TPM3: variants seen among roughly 807,000 people sequenced by gnomAD.
The protein encoded by TPM3 is tropomyosin 3.
In TPM3, 16 loss-of-function variants were observed where a neutral mutation model predicts 43.1. The ratio of observed to expected loss-of-function variants is 0.37; its 90% CI spans 0.25 to 0.56. The LOEUF (loss-of-function observed/expected upper bound fraction) is 0.56, where lower values mean the gene tolerates loss of function less well. Among genes scored for constraint, TPM3 ranks in the 20% least tolerant of loss-of-function variants. TPM3 has a pLI of 0.77. For synonymous variants in TPM3, 101 were observed against 116.9 expected (o/e 0.86, Z 0.88); for missense variants, 176 against 337.2 (o/e 0.52, Z 3.74).
intron 3 of TPM3, among the ~76,000 whole-genome samples, chr1:154,174,884 G>C (rs1662120673): frequency 2.6e-5 from 4 of 152,074 alleles, no homozygotes; most frequent in Admixed American, 2.6e-4. Flanking sequence ...CGTACCCTTA[G>C]AAAGGCACTA....
intron 3 of TPM3, among the ~76,000 whole-genome samples, chr1:154,175,130 G>A (rs1230284015): frequency 1.3e-5 from 2 of 152,042 alleles, no homozygotes; most frequent in African/African-American, 2.4e-5. Context: ...AGGAGATCAA[G>A]ACCATCCTGG....
chr1:154,167,796 A>G lies in TPM3; in HGVS notation c.*141T>C, dbSNP rs1042571154. 4.8e-5 allele frequency: 76 copies of G among 1,579,274 alleles called. No homozygotes were observed. The highest frequency in any genetic ancestry group is 2.7e-4 in the African/African-American group (20 of 73,640). Reference sequence around the variant, plus strand: ...TTGGGGTGGGGGTGGAAGAAAATACATAAGTTGCTTTTTGCTCCCCCATCC... The same window carrying G: ...TTGGGGTGGGGGTGGAAGAAAATACGTAAGTTGCTTTTTGCTCCCCCATCC... On this transcript the variant is annotated 3_prime_UTR_variant, in exon 10 of 10. Coordinates refer to ENST00000651641, the MANE Select transcript of TPM3 (RefSeq NM_152263.4).
chr1:154,183,331 T>G, intron 2 of TPM3: 1 of 1,456,548 alleles, frequency 6.9e-7, no homozygotes, highest in Admixed American at 2.2e-5. Context: ...GAGTGGATCC[T>G]CCCAGTCGCC....
At chr1:154,174,059 G>A (rs757486561) in intron 3 of TPM3, among the ~76,000 whole-genome samples, 2 of 151,860 alleles carry the variant, frequency 1.3e-5, no homozygotes, top group South Asian at 2.1e-4. Flanking sequence ...ACAGCTGGGC[G>A]TGGTGGCTCA....
At chr1:154,176,003 A>G in intron 3 of TPM3, 112 bp downstream of exon 3, 1 of 1,532,136 alleles carries the variant, frequency 6.5e-7, no homozygotes, top group Non-Finnish European at 8.9e-7. Context: ...TACAGGCGTG[A>G]GCCATCACAC....
chr1:154,165,008 T>C lies in TPM3; in HGVS notation c.*2929A>G, dbSNP rs980638465. Among the ~76,000 whole-genome samples, 2 of 152,244 alleles carry C rather than the reference T, an allele frequency of 1.3e-5. No individual in the cohort carries two copies. Among genetic ancestry groups the C allele is most frequent in the Non-Finnish European group, 2.9e-5 (2 of 68,034 alleles). ...TCATTTTAAGACACAACCTGTTCCC[T>C]ACTCTGTCTAAATCTACCTTTAGAG... On this transcript the variant is annotated 3_prime_UTR_variant, in exon 10 of 10. Coordinates refer to ENST00000651641, the MANE Select transcript of TPM3 (RefSeq NM_152263.4).
intron 8 of TPM3, 104 bp from the exon 9 acceptor site, chr1:154,169,487 T>C (rs1185502144): frequency 2.6e-6 from 3 of 1,153,024 alleles, no homozygotes; most frequent in Non-Finnish European, 3.9e-6. Context: ...AGTGTGACTG[T>C]GGGTCTAATA....
Position 154,162,081 on chromosome 1 carries a change from A to C in TPM3, c.*5856T>G, listed in dbSNP as rs3196889. On this transcript the variant is annotated 3_prime_UTR_variant, in exon 10 of 10. Coordinates refer to ENST00000651641, the MANE Select transcript of TPM3 (RefSeq NM_152263.4). ...TTTCAGCTATATCTAATTAAGAAAC[A>C]ACCCCATGGCCAGGTGCAGTGGCTC... 0.3 allele frequency among the ~76,000 whole-genome samples: 45,950 copies of C among 152,026 alleles called. 7,827 individuals carry two copies. Among genetic ancestry groups the C allele is most frequent in the Admixed American group, 0.45 (6,917 of 15,254 alleles).
chr1:154,161,698 A>C (rs1477116352), downstream of TPM3, among the ~76,000 whole-genome samples: 14 of 151,954 alleles, frequency 9.2e-5, no homozygotes, highest in Non-Finnish European at 2.1e-4. Flanking sequence ...CCGCCTCCCA[A>C]AGTGCTGGGA....
intron 9 of TPM3, among the ~76,000 whole-genome samples, chr1:154,168,614 T>C (rs1661241195): frequency 6.6e-6 from 1 of 152,106 alleles, no homozygotes; most frequent in Non-Finnish European, 1.5e-5. Context: ...CTCCATCTCC[T>C]GGTTTCAAGT....
At chr1:154,183,350 C>T (rs989269472) in intron 2 of TPM3, 1 of 1,410,084 alleles carries the variant, frequency 7.1e-7, no homozygotes, top group East Asian at 2.6e-5. Flanking sequence ...CCCTGGAGTA[C>T]GGCTCCCGGC....
chr1:154,157,450 G>C (rs1457484338), downstream of TPM3: 10 of 709,136 alleles, frequency 1.4e-5, no homozygotes, highest in Admixed American at 3.8e-5. Flanking sequence ...CTCTAGCCCA[G>C]CTGGATTCTC....
At chr1:154,158,972 G>A, downstream of TPM3, 1 of 780,568 alleles carries the variant, frequency 1.3e-6, no homozygotes, top group Admixed American at 1.7e-5. Flanking sequence ...CTGCCCATCA[G>A]TCACACAGAT....
chr1:154,170,318 G>T (rs1661425489), intron 8 of TPM3, 82 bp downstream of exon 8: 7 of 1,475,946 alleles, frequency 4.7e-6, no homozygotes, highest in South Asian at 2.3e-5. Context: ...ACTTCCTTTG[G>T]TGTACAGAAA....
chr1:154,178,263 G>T, intron 2 of TPM3: 1 of 872,394 alleles, frequency 1.1e-6, no homozygotes, highest in Non-Finnish European at 1.4e-6. Flanking sequence ...AGCTGGCTCA[G>T]GCAGTTTCTC....
rs878983832 is a variant in TPM3, at chr1:154,182,890, C to G, written c.244-6642G>C. 53 of 1,582,698 alleles carry G rather than the reference C, an allele frequency of 3.3e-5. No homozygotes were observed. In the South Asian group the frequency reaches 5.9e-4, roughly 18 times the overall value. ...CCAACTTCATCTCCGAGCCCGCCGG[C>G]CTTCAGAGGACCGTGCTCCACGGCA... On this transcript the variant is annotated intron_variant, in intron 2 of 9. Coordinates refer to ENST00000651641, the MANE Select transcript of TPM3 (RefSeq NM_152263.4).
chr1:154,157,589 C>A, downstream of TPM3: 2 of 770,846 alleles, frequency 2.6e-6, no homozygotes, highest in Non-Finnish European at 4.8e-6. Context: ...TGGCCTCAGG[C>A]GGAGTCTGGG....
At chr1:154,159,900 C>T (rs556571668), downstream of TPM3, among the ~76,000 whole-genome samples, 8 of 151,490 alleles carry the variant, frequency 5.3e-5, no homozygotes, top group Non-Finnish European at 1.0e-4. Flanking sequence ...ATGGAAAGCC[C>T]AGCTACAACA....
chr1:154,174,389 T>TAC (rs1662017060), intron 3 of TPM3, among the ~76,000 whole-genome samples: 1 of 102,106 alleles, frequency 9.8e-6, no homozygotes, highest in East Asian at 3.1e-4. Context: ...TATATATATA[T>TAC]ATATATATAT....
Sources: allele counts gnomAD v4.1 joint callset (sites outside exome capture counted in the v4.1 genomes callset), GRCh38; gene constraint gnomAD v4.1.1; transcripts MANE v1.5; gene names NCBI Gene and HGNC (gene_info 2026-07-23, HGNC 2026-07-21).